C10orf143: variants seen among roughly 807,000 people sequenced by gnomAD.
C10orf143 encodes the protein uncharacterized protein C10orf143.
intron 1 of C10orf143, among the ~76,000 whole-genome samples, chr10:130,094,435 T>G (rs537287510): frequency 6.6e-6 from 1 of 152,300 alleles, no homozygotes; most frequent in Non-Finnish European, 1.5e-5. Context: ...AAAGAAAATT[T>G]CAGGTCAATA....
chr10:130,107,477 G>A (rs1861672906), intron 1 of C10orf143: 2 of 1,413,892 alleles, frequency 1.4e-6, no homozygotes, highest in Non-Finnish European at 2.0e-6. Context: ...TTTAAGGAAA[G>A]AAAATGCTCA....
At chr10:130,107,911 A>T (rs1329941685) in intron 1 of C10orf143, 1 of 1,354,960 alleles carries the variant, frequency 7.4e-7, no homozygotes, top group Admixed American at 1.7e-5. Context: ...CACAAAGGCA[A>T]GACAGATTTT....
rs78321674 is a variant in C10orf143 at position 130,087,777 on chromosome 10, A to G, written c.70-7876T>C. Among the ~76,000 whole-genome samples, 499 of 152,316 alleles carry G rather than the reference A, an allele frequency of 3.3e-3. 6 individuals carry two copies. The highest frequency in any genetic ancestry group is 0.011 in the African/African-American group (473 of 41,588). On this transcript the variant is annotated intron_variant, in intron 1 of 3. Coordinates refer to ENST00000637128, the MANE Select transcript of C10orf143 (RefSeq NM_001355042.2). Reference sequence around the variant, plus strand: ...AACCAGACAGGGGACATCTCCCCAAAGCCCCTAGAAACACACAGCAGAGCC... The same window carrying G: ...AACCAGACAGGGGACATCTCCCCAAGGCCCCTAGAAACACACAGCAGAGCC...
downstream of C10orf143, among the ~76,000 whole-genome samples, chr10:130,063,511 A>T (rs1860880410): frequency 1.3e-5 from 2 of 152,252 alleles, no homozygotes; most frequent in Admixed American, 1.3e-4. Flanking sequence ...ATTCTGGATC[A>T]TCCATATCCC....
chr10:130,100,916 T>C (rs1388158543), intron 1 of C10orf143, among the ~76,000 whole-genome samples: 1 of 152,022 alleles, frequency 6.6e-6, no homozygotes, highest in African/African-American at 2.4e-5. Context: ...AGAAAAAATG[T>C]TGAAAGCTAT....
At chr10:130,060,063 AG>A (rs1860837498), downstream of C10orf143, among the ~76,000 whole-genome samples, 1 of 37,722 alleles carries the variant, frequency 2.7e-5, no homozygotes, top group Non-Finnish European at 7.6e-5. Context: ...AGGTGGGAAC[AG>A]GCAGGCAGGA....
At chr10:130,038,451 G>T (rs61875994) in intron 3 of C10orf143, among the ~76,000 whole-genome samples, 67 of 152,212 alleles carry the variant, frequency 4.4e-4, no homozygotes, top group African/African-American at 1.6e-3. Context: ...GGGCCCCTGG[G>T]ATGAGGGTGG....
rs941909518 is a variant in C10orf143 at position 130,110,823 on chromosome 10, C to T, written c.-51G>A. ...GCATCTCAGGCCTGGCCGAGGCCCG[C>T]GCACCACGCCCCCTTCCGCACAAGG... On this transcript the variant is annotated 5_prime_UTR_variant, in exon 1 of 4. Transcript: ENST00000637128. 2.5e-6 allele frequency: 1 copy of T among 398,804 alleles called. No individual in the cohort carries two copies. Among genetic ancestry groups the T allele is most frequent in the South Asian group, 1.3e-4 (1 of 7,866 alleles). 24.7% of individuals were successfully genotyped at this position (398,804 alleles called of 1,614,324 possible). A position where few individuals can be genotyped will look rare whatever the true frequency, so the allele number is the denominator to read the frequency against.
intron 3 of C10orf143, among the ~76,000 whole-genome samples, chr10:130,046,088 G>T (rs1174751651): frequency 1.3e-5 from 2 of 150,982 alleles, no homozygotes; most frequent in African/African-American, 2.4e-5. Context: ...GTGGCTCAGG[G>T]CATGGGGATG....
intron 1 of C10orf143, chr10:130,108,540 A>C (rs1220639946): frequency 1.6e-6 from 1 of 626,228 alleles, no homozygotes; most frequent in Non-Finnish European, 2.9e-6. Flanking sequence ...CTTTTGCTCA[A>C]ATTGAAACTT....
chr10:130,074,199 C>T (rs55931545), intron 3 of C10orf143, among the ~76,000 whole-genome samples: 23,367 of 152,182 alleles, frequency 0.15, 2,409 homozygotes, highest in Non-Finnish European at 0.22. Context: ...GTGCTCAGGC[C>T]CCTGCCTCCC....
intron 1 of C10orf143, among the ~76,000 whole-genome samples, chr10:130,102,150 G>A (rs910569688): frequency 3.9e-5 from 6 of 152,110 alleles, no homozygotes; most frequent in Non-Finnish European, 8.8e-5. Flanking sequence ...TGTGCCTGAA[G>A]TCCCAGCTTA....
intron 1 of C10orf143, chr10:130,107,861 C>T: frequency 7.9e-7 from 1 of 1,261,128 alleles, no homozygotes. Context: ...GATGATGTTT[C>T]CTCCACCAGC....
At chr10:130,035,250 TC>T (rs34297704) in intron 4 of C10orf143, among the ~76,000 whole-genome samples, 19,393 of 152,212 alleles carry the variant, frequency 0.13, 1,648 homozygotes, top group Admixed American at 0.19. Context: ...GCTTGCCTTC[TC>T]CCCATGTCAT....
At chr10:130,069,866 T>C (rs1861002207) in intron 3 of C10orf143, among the ~76,000 whole-genome samples, 1 of 152,308 alleles carries the variant, frequency 6.6e-6, no homozygotes, top group South Asian at 2.1e-4. Context: ...TTCTTTTTTT[T>C]TTTCTTATCA....
intron 1 of C10orf143, among the ~76,000 whole-genome samples, chr10:130,110,453 G>A (rs542251414): frequency 3.9e-5 from 6 of 152,192 alleles, no homozygotes; most frequent in Admixed American, 2.6e-4. Context: ...TGAGCGTGTG[G>A]GTCAGGAAGG....
chr10:130,055,702 T>G (rs1350664624), intron 3 of C10orf143, among the ~76,000 whole-genome samples: 1 of 151,994 alleles, frequency 6.6e-6, no homozygotes, highest in Non-Finnish European at 1.5e-5. Flanking sequence ...GCCCAGCACT[T>G]TAGGAGGCCG....
downstream of C10orf143, among the ~76,000 whole-genome samples, chr10:130,062,678 C>T (rs1860869483): frequency 6.6e-6 from 1 of 152,332 alleles, no homozygotes; most frequent in East Asian, 1.9e-4. Flanking sequence ...CCTCAGCTTG[C>T]AGACGGCCTA....
At chr10:130,043,026 C>T (rs924055894) in intron 3 of C10orf143, among the ~76,000 whole-genome samples, 1 of 152,198 alleles carries the variant, frequency 6.6e-6, no homozygotes, top group Non-Finnish European at 1.5e-5. Context: ...GCCTGCAAAA[C>T]GCTGATGCTC....
Sources: allele counts gnomAD v4.1 joint callset (sites outside exome capture counted in the v4.1 genomes callset), GRCh38; gene constraint gnomAD v4.1.1; transcripts MANE v1.5; gene names NCBI Gene and HGNC (gene_info 2026-07-23, HGNC 2026-07-21).